CUX1: variants seen among roughly 807,000 people sequenced by gnomAD.
The protein encoded by CUX1 is protein CASP.
In CUX1, 31 loss-of-function variants were observed where a neutral mutation model predicts 158.8. The ratio of observed to expected loss-of-function variants is 0.20; its 90% CI spans 0.15 to 0.26. The LOEUF (loss-of-function observed/expected upper bound fraction) is 0.26, where lower values mean the gene tolerates loss of function less well. Ranked by LOEUF, CUX1 falls within the 10% of genes least tolerant of loss-of-function variation. The pLI, the probability that CUX1 is intolerant of heterozygous loss-of-function variation, is 1.00. For missense variants in CUX1, 1,589 were observed against 2,014.6 expected (o/e 0.79, Z 4.04); for synonymous variants, 879 against 862.1 (o/e 1.02, Z -0.34).
intron 14 of CUX1, among the ~76,000 whole-genome samples, chr7:102,264,508 A>C (rs1268090959): frequency 6.6e-6 from 1 of 152,168 alleles, no homozygotes; most frequent in Non-Finnish European, 1.5e-5. Flanking sequence ...GGAGAGGCGG[A>C]GCATGGGGGC....
At chr7:102,183,454 G>T (rs115324422) in intron 11 of CUX1, among the ~76,000 whole-genome samples, 1 of 152,052 alleles carries the variant, frequency 6.6e-6, no homozygotes, top group Non-Finnish European at 1.5e-5. Context: ...TGGACTCACC[G>T]TCCAGAGTCC....
intron 4 of CUX1, among the ~76,000 whole-genome samples, chr7:102,073,178 T>TTTTTTTTTTTTTTTTTTTTTTTG (rs1826339532): frequency 7.8e-6 from 1 of 127,510 alleles, no homozygotes; most frequent in African/African-American, 3.0e-5. Flanking sequence ...TTTTTTTTTT[T>TTTTTTTTTTTTTTTTTTTTTTTG]TTTTTTTTTT....
intron 1 of CUX1, among the ~76,000 whole-genome samples, chr7:101,898,683 C>G (rs906486147): frequency 6.6e-6 from 1 of 151,454 alleles, no homozygotes; most frequent in African/African-American, 2.4e-5. Flanking sequence ...CTCCGCCTCC[C>G]GGGTTCAAGT....
chr7:102,170,728 AG>A (rs1554510197), intron 10 of CUX1, among the ~76,000 whole-genome samples, 178 bp downstream of exon 10: 1 of 152,030 alleles, frequency 6.6e-6, no homozygotes, highest in Admixed American at 6.6e-5. Flanking sequence ...TTAAAGTCGA[AG>A]GAAGAGCTTT....
chr7:101,998,594 G>A (rs771894853), intron 2 of CUX1, among the ~76,000 whole-genome samples: 25 of 152,208 alleles, frequency 1.6e-4, no homozygotes, highest in Non-Finnish European at 3.2e-4. Context: ...CACTCAGGGC[G>A]ATAGCGTTTG....
intron 23 of CUX1, among the ~76,000 whole-genome samples, chr7:102,244,191 T>C (rs1430975046): frequency 1.3e-5 from 2 of 152,138 alleles, no homozygotes; most frequent in Non-Finnish European, 2.9e-5. Flanking sequence ...TTCCCGACAC[T>C]GGATGTGTTA....
intron 2 of CUX1, among the ~76,000 whole-genome samples, chr7:102,023,550 A>G (rs1819636830): frequency 6.6e-6 from 1 of 152,182 alleles, no homozygotes; most frequent in Non-Finnish European, 1.5e-5. Context: ...GCTCACTTGC[A>G]GCCTCAACCA....
At chr7:102,247,115 G>A (rs1386892337) in intron 23 of CUX1, among the ~76,000 whole-genome samples, 1 of 152,132 alleles carries the variant, frequency 6.6e-6, no homozygotes, top group South Asian at 2.1e-4. Context: ...GATCACCTGA[G>A]CCTGGGAGGT....
intron 3 of CUX1, among the ~76,000 whole-genome samples, chr7:102,067,169 C>G (rs1825637174): frequency 6.6e-6 from 1 of 150,890 alleles, no homozygotes; most frequent in Non-Finnish European, 1.5e-5. Flanking sequence ...CAGTCTGAGA[C>G]CACTCTTAAT....
At chr7:102,113,092 A>G (rs1341231313) in intron 7 of CUX1, among the ~76,000 whole-genome samples, 1 of 152,188 alleles carries the variant, frequency 6.6e-6, no homozygotes, top group African/African-American at 2.4e-5. Context: ...AACAATAAGC[A>G]AGGGATATGA....
chr7:101,818,421 TCCTGGCAAAATTG>T, intron 1 of CUX1, among the ~76,000 whole-genome samples: 1 of 152,328 alleles, frequency 6.6e-6, no homozygotes. Context: ...TTTTAAAGCA[TCCTGGCAAAATTG>T]CCTGGAAAAT....
chr7:102,026,196 C>T (rs1820005340), intron 2 of CUX1, among the ~76,000 whole-genome samples: 1 of 151,996 alleles, frequency 6.6e-6, no homozygotes, highest in African/African-American at 2.4e-5. Flanking sequence ...CAAAAGCTTG[C>T]TGTACAGGCC....
In CUX1 at chr7:102,205,115, C is replaced by A; in HGVS notation, c.3075C>A (p.Val1025=). 1 of 1,606,124 alleles carries A rather than the reference C, an allele frequency of 6.2e-7. No individual in the cohort carries two copies. The highest frequency in any genetic ancestry group is 8.5e-7 in the Non-Finnish European group (1 of 1,173,462). Residue 1025 remains valine, a splice_region_variant and synonymous_variant, in exon 20 of 24, where the codon GTC becomes GTA. Coordinates refer to ENST00000292535, the MANE Select transcript of CUX1 (RefSeq NM_181552.4). ...AATTATAACCTTTTTCTACTTTAGT[C>A]CTCCACTCCGTGACATCGCTCCAGG... is the stretch of plus-strand genomic sequence containing the variant. The part of the protein sequence containing the change: ...LPVQGQQQGP[V]LHSVTSLQDP...
intron 1 of CUX1, among the ~76,000 whole-genome samples, chr7:101,887,757 A>G (rs1334929273): frequency 2.0e-5 from 3 of 150,366 alleles, no homozygotes; most frequent in Non-Finnish European, 4.4e-5. Flanking sequence ...ATCCTCTGGG[A>G]GTGGCTGTCA....
At chr7:102,107,333 G>A (rs1554488781) in intron 6 of CUX1, among the ~76,000 whole-genome samples, 1 of 152,120 alleles carries the variant, frequency 6.6e-6, no homozygotes, top group African/African-American at 2.4e-5. Flanking sequence ...GAGGTCAGGA[G>A]TTCAAGACCA....
At chr7:102,258,333 C>T (rs1586475808), downstream of CUX1, 3 of 312,120 alleles carry the variant, frequency 9.6e-6, no homozygotes, top group Non-Finnish European at 1.4e-5. Flanking sequence ...TCGCCGTTCC[C>T]GAGGTCGTCC....
intron 11 of CUX1, among the ~76,000 whole-genome samples, chr7:102,180,230 C>T (rs184303280): frequency 0.035 from 5,280 of 151,892 alleles, 142 homozygotes; most frequent in Non-Finnish European, 0.052. Flanking sequence ...ACCATGTTGG[C>T]CAGTCTAGTC....
At chr7:102,107,676 C>T (rs1333274314) in intron 6 of CUX1, among the ~76,000 whole-genome samples, 1 of 152,244 alleles carries the variant, frequency 6.6e-6, no homozygotes, top group Non-Finnish European at 1.5e-5. Context: ...CAATGTAGAC[C>T]ATCTCTTTTC....
intron 2 of CUX1, among the ~76,000 whole-genome samples, chr7:101,955,164 C>CA (rs1182966143): frequency 0.18 from 24,233 of 133,078 alleles, 2,104 homozygotes; most frequent in South Asian, 0.23. Context: ...GATTCAGTCT[C>CA]AAAAAAAAAA....
Sources: allele counts gnomAD v4.1 joint callset (sites outside exome capture counted in the v4.1 genomes callset), GRCh38; gene constraint gnomAD v4.1.1; transcripts MANE v1.5; gene names NCBI Gene and HGNC (gene_info 2026-07-23, HGNC 2026-07-21).